Variants in FBXO15 observed in about 807,000 individuals in gnomAD.
FBXO15 encodes the protein F-box only protein 15.
FBXO15 carries 30 observed loss-of-function variants against 49.5 expected under a neutral mutation model. That is an observed-to-expected ratio of 0.61 (90% CI 0.45 to 0.82). FBXO15 has a LOEUF of 0.82. Ranked by LOEUF, FBXO15 falls within the 40% of genes least tolerant of loss-of-function variation. The pLI, the probability that FBXO15 is intolerant of heterozygous loss-of-function variation, is 0.00. For missense variants in FBXO15, 591 were observed against 631.5 expected (o/e 0.94, Z 0.69); for synonymous variants, 250 against 232.7 (o/e 1.07, Z -0.68).
In FBXO15 at chr18:74,134,162, T is replaced by C. The variant is rs575794210; in HGVS notation, c.332+1600A>G. Among the ~76,000 whole-genome samples the C allele has an allele frequency of 4.6e-5, 7 of 152,252 alleles. No homozygotes were observed. The South Asian group carries it at 1.5e-3, about 32-fold the overall frequency. On this transcript the variant is annotated intron_variant, in intron 3 of 9. Coordinates refer to ENST00000419743, the MANE Select transcript of FBXO15 (RefSeq NM_001142958.2). Reference sequence around the variant, plus strand: ...CATATATTCTTCCATATAGGAAACATCTCTTTAAATTAAAAGAAAAATCAC... The same window carrying C: ...CATATATTCTTCCATATAGGAAACACCTCTTTAAATTAAAAGAAAAATCAC...
At chr18:74,101,970 T>G (rs1913541848) in intron 8 of FBXO15, among the ~76,000 whole-genome samples, 1 of 152,134 alleles carries the variant, frequency 6.6e-6, no homozygotes, top group African/African-American at 2.4e-5. Flanking sequence ...CAACTCAAGA[T>G]GAATCAAAGA....
At chr18:74,093,567 A>G (rs1913149190) in intron 8 of FBXO15, among the ~76,000 whole-genome samples, 1 of 152,200 alleles carries the variant, frequency 6.6e-6, no homozygotes. Flanking sequence ...TCCATTCAAG[A>G]AACCACTTTC....
At chr18:74,135,312 G>A (rs114344201) in intron 3 of FBXO15, among the ~76,000 whole-genome samples, 208 of 152,310 alleles carry the variant, frequency 1.4e-3, no homozygotes, top group African/African-American at 4.9e-3. Flanking sequence ...ATGTTTGGGA[G>A]GAGAAGCTAA....
intron 5 of FBXO15, among the ~76,000 whole-genome samples, chr18:74,127,254 G>T (rs976246546): frequency 6.6e-6 from 1 of 152,212 alleles, no homozygotes; most frequent in South Asian, 2.1e-4. Context: ...AAATCTGGCT[G>T]TAGAGGTACT....
chr18:74,115,601 A>G (rs780946587), intron 8 of FBXO15, among the ~76,000 whole-genome samples: 20 of 152,200 alleles, frequency 1.3e-4, no homozygotes, highest in Non-Finnish European at 4.4e-5. Context: ...TGCATTCCCT[A>G]CATATTCAAT....
chr18:74,088,450 G>A (rs1332038700), intron 8 of FBXO15, among the ~76,000 whole-genome samples: 3 of 152,104 alleles, frequency 2.0e-5, no homozygotes, highest in Non-Finnish European at 4.4e-5. Context: ...ATCATTTATT[G>A]AATAGGAAGT....
intron 9 of FBXO15, among the ~76,000 whole-genome samples, chr18:74,079,378 G>A (rs765428795): frequency 9.9e-5 from 15 of 152,124 alleles, no homozygotes; most frequent in South Asian, 2.1e-4. Context: ...CAGAGCAAGC[G>A]TCCTGCATGG....
chr18:74,083,549 A>G (rs1166077761), intron 8 of FBXO15, among the ~76,000 whole-genome samples: 1 of 152,228 alleles, frequency 6.6e-6, no homozygotes, highest in African/African-American at 2.4e-5. Context: ...TCTTCCACAC[A>G]GCTTGTCCCC....
rs58739905 is a variant in FBXO15, at chr18:74,110,194, C to CATATATATATATAT, written c.1138+13160_1138+13173dup. Among the ~76,000 whole-genome samples the CATATATATATATAT allele has an allele frequency of 6.1e-3, 883 of 143,578 alleles. 15 individuals are homozygous for CATATATATATATAT. Among genetic ancestry groups the CATATATATATATAT allele is most frequent in the African/African-American group, 0.02 (780 of 39,056 alleles). The allele number at this position is 143,578 out of a possible 152,430, so 94.2% of individuals were successfully genotyped here. On this transcript the variant is annotated intron_variant, in intron 8 of 9. Transcript: ENST00000419743. The stretch of plus-strand genomic sequence containing the variant: ...ATATATATATATACACATATGTGTG[C>CATATATATATATAT]ATATATATATATATATATGTTTATG...
At chr18:74,120,178 A>G (rs920634030) in intron 8 of FBXO15, among the ~76,000 whole-genome samples, 1 of 152,244 alleles carries the variant, frequency 6.6e-6, no homozygotes, top group Non-Finnish European at 1.5e-5. Context: ...GTTCATGAAT[A>G]TAACAGAGCT....
At chr18:74,095,849 C>T (rs564348215) in intron 8 of FBXO15, among the ~76,000 whole-genome samples, 24 of 152,064 alleles carry the variant, frequency 1.6e-4, no homozygotes, top group Non-Finnish European at 3.2e-4. Flanking sequence ...GGATTCACTC[C>T]CCTCAACAGA....
intron 1 of FBXO15, among the ~76,000 whole-genome samples, chr18:74,141,933 C>G (rs537564823): frequency 6.1e-5 from 9 of 146,840 alleles, no homozygotes; most frequent in Non-Finnish European, 6.2e-5. Flanking sequence ...GAATTTTTCT[C>G]TCTAGAAAAA....
chr18:74,080,332 CAA>C (rs897319511), intron 9 of FBXO15, among the ~76,000 whole-genome samples: 1 of 152,130 alleles, frequency 6.6e-6, no homozygotes, highest in African/African-American at 2.4e-5. Flanking sequence ...GCATAAAAGG[CAA>C]ACAGAAAATA....
chr18:74,146,970 C>T (rs1278775411), intron 1 of FBXO15: 1 of 152,174 alleles, frequency 6.6e-6, no homozygotes, highest in Non-Finnish European at 1.5e-5. Flanking sequence ...TGTAAACTAA[C>T]TGCAGTGATG....
At chr18:74,087,644 T>C (rs1212496543) in intron 8 of FBXO15, among the ~76,000 whole-genome samples, 3 of 152,204 alleles carry the variant, frequency 2.0e-5, no homozygotes, top group Non-Finnish European at 4.4e-5. Flanking sequence ...CTCTATGTCT[T>C]TGCTATTGTG....
chr18:74,091,753 G>C (rs1413982132), intron 8 of FBXO15, among the ~76,000 whole-genome samples: 1 of 152,188 alleles, frequency 6.6e-6, no homozygotes, highest in Non-Finnish European at 1.5e-5. Context: ...AAGGTCCACT[G>C]TTAGTTTGAT....
At chr18:74,141,784 C>G (rs533232254) in intron 1 of FBXO15, among the ~76,000 whole-genome samples, 87 of 152,286 alleles carry the variant, frequency 5.7e-4, no homozygotes, top group African/African-American at 2.0e-3. Context: ...GACAGTGTAG[C>G]CTGGAGCCTA....
intron 3 of FBXO15, among the ~76,000 whole-genome samples, chr18:74,133,149 C>T (rs951840324): frequency 6.6e-6 from 1 of 152,218 alleles, no homozygotes; most frequent in Non-Finnish European, 1.5e-5. Flanking sequence ...CAGACTATGA[C>T]TCTTTAGGTC....
intron 3 of FBXO15, among the ~76,000 whole-genome samples, chr18:74,132,110 G>A (rs1978428865): frequency 6.6e-6 from 1 of 152,184 alleles, no homozygotes; most frequent in African/African-American, 2.4e-5. Context: ...TTATATTAAA[G>A]TGTTTGTGTT....
Sources: allele counts gnomAD v4.1 joint callset (sites outside exome capture counted in the v4.1 genomes callset), GRCh38; gene constraint gnomAD v4.1.1; transcripts MANE v1.5; gene names NCBI Gene and HGNC (gene_info 2026-07-23, HGNC 2026-07-21).